PAG1: variants seen among roughly 807,000 people sequenced by gnomAD.
The protein encoded by PAG1 is phosphoprotein membrane anchor with glycosphingolipid microdomains 1.
In PAG1, 23 loss-of-function variants were observed where a neutral mutation model predicts 31.7. The observed-to-expected ratio is 0.73, with a 90% confidence interval of 0.52 to 1.03. The LOEUF (loss-of-function observed/expected upper bound fraction) is 1.03. PAG1 is among the 50% of genes least tolerant of loss of function. The probability of loss-of-function intolerance (pLI) is 0.00; values close to 1 mark genes in which losing one functional copy is unlikely to be tolerated. For missense variants in PAG1, 473 were observed against 540.7 expected, an observed-to-expected ratio of 0.87 and a Z score of 1.24; for synonymous variants, 214 against 210.3, an observed-to-expected ratio of 1.02 and a Z score of -0.15.
At chr8:81,073,545 T>A (rs901403614) in intron 1 of PAG1, among the ~76,000 whole-genome samples, 2 of 152,224 alleles carry the variant, frequency 1.3e-5, no homozygotes, top group African/African-American at 4.8e-5. Flanking sequence ...AGTGGCTTTT[T>A]AAATACATGT....
intron 2 of PAG1, among the ~76,000 whole-genome samples, chr8:81,038,247 G>C (rs1297347483): frequency 2.0e-5 from 3 of 152,176 alleles, no homozygotes; most frequent in Non-Finnish European, 4.4e-5. Flanking sequence ...CTAACTTGAA[G>C]TCTGCCCAGG....
At chr8:81,081,901 T>C (rs1809272148) in intron 1 of PAG1, among the ~76,000 whole-genome samples, 1 of 152,226 alleles carries the variant, frequency 6.6e-6, no homozygotes, top group South Asian at 2.1e-4. Context: ...CACAGGTTTT[T>C]GTGAGAATGT....
chr8:81,050,316 T>G (rs149302020), intron 2 of PAG1, among the ~76,000 whole-genome samples: 1 of 152,314 alleles, frequency 6.6e-6, no homozygotes, highest in East Asian at 1.9e-4. Context: ...GTCTACCTCA[T>G]TCATATACCC....
chr8:81,099,218 T>C (rs1043480361), intron 1 of PAG1, among the ~76,000 whole-genome samples: 1 of 152,230 alleles, frequency 6.6e-6, no homozygotes, highest in Non-Finnish European at 1.5e-5. Flanking sequence ...GGCTAAGAAA[T>C]GGTTGACCAG....
intron 3 of PAG1, among the ~76,000 whole-genome samples, chr8:81,021,981 T>C (rs1011529736): frequency 6.6e-6 from 1 of 152,242 alleles, no homozygotes; most frequent in African/African-American, 2.4e-5. Context: ...GATAGTTTCC[T>C]TGCCAGTATT....
intron 1 of PAG1, among the ~76,000 whole-genome samples, chr8:81,071,587 A>T (rs1809093887): frequency 6.6e-6 from 1 of 152,212 alleles, no homozygotes; most frequent in South Asian, 2.1e-4. Context: ...CTTGTTCAAA[A>T]GTGGAGAAAC....
chr8:81,084,378 C>T (rs1809318678), intron 1 of PAG1, among the ~76,000 whole-genome samples: 1 of 145,708 alleles, frequency 6.9e-6, no homozygotes, highest in Non-Finnish European at 1.5e-5. Flanking sequence ...CAAAAGTTTA[C>T]ATAAAATCAA....
intron 3 of PAG1, among the ~76,000 whole-genome samples, chr8:81,025,752 T>C (rs1011017645): frequency 6.6e-6 from 1 of 152,192 alleles, no homozygotes; most frequent in Non-Finnish European, 1.5e-5. Flanking sequence ...GGAATCCTGT[T>C]TACCATGTAA....
chr8:81,104,117 A>G (rs1809653824), intron 1 of PAG1, among the ~76,000 whole-genome samples: 3 of 152,162 alleles, frequency 2.0e-5, no homozygotes, highest in East Asian at 3.8e-4. Flanking sequence ...GTAGGTCTTA[A>G]TATTTATTGA....
chr8:81,002,622 C>T (rs935048147), intron 3 of PAG1, among the ~76,000 whole-genome samples: 3 of 152,192 alleles, frequency 2.0e-5, no homozygotes, highest in African/African-American at 7.2e-5. Flanking sequence ...GTACTGCCAT[C>T]GTAAGGACTG....
At chr8:81,084,926 C>A (rs1809327273) in intron 1 of PAG1, among the ~76,000 whole-genome samples, 1 of 152,014 alleles carries the variant, frequency 6.6e-6, no homozygotes, top group Non-Finnish European at 1.5e-5. Context: ...AGTCCGTTTT[C>A]TTTTTTTACA....
chr8:80,997,406 G>A (rs1807702393), intron 3 of PAG1, among the ~76,000 whole-genome samples: 1 of 152,166 alleles, frequency 6.6e-6, no homozygotes, highest in Admixed American at 6.5e-5. Context: ...GAGTAGCTGG[G>A]AACACAGGCA....
At chr8:81,032,300 T>C (rs1808389470) in intron 2 of PAG1, among the ~76,000 whole-genome samples, 1 of 152,020 alleles carries the variant, frequency 6.6e-6, no homozygotes, top group African/African-American at 2.4e-5. Flanking sequence ...AGAAAATATA[T>C]GCAAATCGTA....
intron 4 of PAG1, among the ~76,000 whole-genome samples, chr8:80,991,928 G>A (rs1807558141): frequency 1.3e-5 from 2 of 151,814 alleles, no homozygotes; most frequent in Admixed American, 6.6e-5. Context: ...ACTGCAGTGG[G>A]ATGGAGAAAA....
At chr8:81,053,356 T>C (rs1808763440) in intron 2 of PAG1, among the ~76,000 whole-genome samples, 1 of 152,250 alleles carries the variant, frequency 6.6e-6, no homozygotes, top group Non-Finnish European at 1.5e-5. Context: ...CATTTTACAA[T>C]ATTCTGACTT....
intron 2 of PAG1, among the ~76,000 whole-genome samples, chr8:81,044,378 T>C (rs1357207582): frequency 6.6e-6 from 1 of 152,106 alleles, no homozygotes; most frequent in African/African-American, 2.4e-5. Flanking sequence ...GGGAAGCAGA[T>C]GTGAAGAGAC....
intron 2 of PAG1, among the ~76,000 whole-genome samples, chr8:81,053,418 G>A (rs55932030): frequency 0.034 from 5,147 of 152,208 alleles, 111 homozygotes; most frequent in Non-Finnish European, 0.048. Flanking sequence ...GTCGAGAAAT[G>A]GATTCATATT....
At chr8:81,109,583 T>C (rs1055141374) in intron 1 of PAG1, among the ~76,000 whole-genome samples, 5 of 152,252 alleles carry the variant, frequency 3.3e-5, no homozygotes, top group Admixed American at 3.3e-4. Context: ...ACTGCTTCTG[T>C]TAATATTCAT....
chr8:80,988,956 A>C (rs1376898207), intron 5 of PAG1, among the ~76,000 whole-genome samples: 1 of 152,170 alleles, frequency 6.6e-6, no homozygotes, highest in Admixed American at 6.5e-5. Context: ...TTGCAGCCCA[A>C]ATCACTGCAA....
Sources: allele counts gnomAD v4.1 joint callset (sites outside exome capture counted in the v4.1 genomes callset), GRCh38; gene constraint gnomAD v4.1.1; transcripts MANE v1.5; gene names NCBI Gene and HGNC (gene_info 2026-07-23, HGNC 2026-07-21).